The following INTS9 variants were observed in gnomAD, a reference collection of about 807,000 sequenced individuals.
INTS9 encodes the protein protein related to CPSF subunits of 74 kDa.
Under a neutral mutation model 79.7 loss-of-function variants are expected in INTS9, and 55 were observed. The ratio of observed to expected loss-of-function variants is 0.69; its 90% CI spans 0.56 to 0.86. The LOEUF (loss-of-function observed/expected upper bound fraction) is 0.86. INTS9 is among the 40% of genes least tolerant of loss of function. INTS9 has a pLI of 0.00. For synonymous variants in INTS9, 319 were observed against 325.2 expected (o/e 0.98, Z 0.20); for missense variants, 721 against 831.5 (o/e 0.87, Z 1.64).
rs1397518225 is a variant in INTS9 at position 28,813,475 on chromosome 8, G to C, written c.609+17C>G. On this transcript the variant is annotated intron_variant, in intron 7 of 16. Coordinates refer to ENST00000521022, the MANE Select transcript of INTS9 (RefSeq NM_018250.4). ...GAAAGCATTCATGAATAACTGAAATGTAATATGAATACTCACAATTTTCTG... is the reference window on the plus strand; with the variant it reads ...GAAAGCATTCATGAATAACTGAAATCTAATATGAATACTCACAATTTTCTG... 9 of 1,608,530 alleles carry C rather than the reference G, an allele frequency of 5.6e-6. No homozygotes were observed. Among genetic ancestry groups the C allele is most frequent in the Non-Finnish European group, 7.7e-6 (9 of 1,175,460 alleles).
intron 6 of INTS9, among the ~76,000 whole-genome samples, chr8:28,831,419 T>C (rs1459655935): frequency 1.3e-5 from 2 of 152,214 alleles, no homozygotes; most frequent in Non-Finnish European, 2.9e-5. Context: ...TGTTTACCTA[T>C]GTAACAAAAC....
chr8:28,800,585 G>C (rs1395891244), intron 8 of INTS9, among the ~76,000 whole-genome samples: 1 of 152,188 alleles, frequency 6.6e-6, no homozygotes, highest in African/African-American at 2.4e-5. Context: ...CATTTTTAAG[G>C]CCCATATAGC....
chr8:28,802,286 A>T (rs1193246015), intron 8 of INTS9, among the ~76,000 whole-genome samples: 1 of 152,174 alleles, frequency 6.6e-6, no homozygotes, highest in Non-Finnish European at 1.5e-5. Context: ...AATGTGCATA[A>T]ATGTTTTATT....
At chr8:28,834,328 A>G (rs543381859) in intron 6 of INTS9, among the ~76,000 whole-genome samples, 1 of 152,100 alleles carries the variant, frequency 6.6e-6, no homozygotes. Context: ...AAACGTAGTC[A>G]TTAGCCTCCT....
intron 4 of INTS9, among the ~76,000 whole-genome samples, chr8:28,838,164 T>C (rs1806924746): frequency 6.6e-6 from 1 of 151,700 alleles, no homozygotes; most frequent in African/African-American, 2.4e-5. Flanking sequence ...AACACCCCAT[T>C]GCTACAGATT....
At chr8:28,864,141 C>T (rs1287198061) in intron 1 of INTS9, among the ~76,000 whole-genome samples, 2 of 152,128 alleles carry the variant, frequency 1.3e-5, no homozygotes, top group African/African-American at 2.4e-5. Flanking sequence ...CCAAGAGTTC[C>T]AGGCGAGTCT....
chr8:28,796,829 G>A, intron 8 of INTS9, 174 bp from the exon 9 acceptor site: 1 of 550,816 alleles, frequency 1.8e-6, no homozygotes, highest in African/African-American at 1.9e-5. Context: ...AAGTTGGGTG[G>A]GGACTGATGG....
intron 1 of INTS9, among the ~76,000 whole-genome samples, chr8:28,875,033 T>A (rs1345206467): frequency 6.6e-6 from 1 of 152,152 alleles, no homozygotes; most frequent in Non-Finnish European, 1.5e-5. Flanking sequence ...AGACTCCCTT[T>A]TTTAAAACCA....
rs549039296 is a variant in INTS9 at position 28,887,481 on chromosome 8, T to TTG, written c.9+2391_9+2392dup. On this transcript the variant is annotated intron_variant, in intron 1 of 16. Coordinates refer to ENST00000521022, the MANE Select transcript of INTS9 (RefSeq NM_018250.4). ...AGAATCAATAAGAGGTGGTCATAGA[T>TTG]TGTGTGTGGGAAGGGTACTCTGGAA... is the stretch of plus-strand genomic sequence containing the variant. Among the ~76,000 whole-genome samples, 4 of 152,300 alleles carry TTG rather than the reference T, an allele frequency of 2.6e-5. No homozygotes were observed. The South Asian group carries it at 8.3e-4, about 32-fold the overall frequency.
intron 6 of INTS9, among the ~76,000 whole-genome samples, chr8:28,818,716 C>G (rs1206855500): frequency 6.6e-6 from 1 of 151,816 alleles, no homozygotes; most frequent in Non-Finnish European, 1.5e-5. Flanking sequence ...GGAATAGTTT[C>G]AGAAGGAATG....
chr8:28,795,658 A>T (rs2130964353), intron 9 of INTS9, among the ~76,000 whole-genome samples: 1 of 150,908 alleles, frequency 6.6e-6, no homozygotes, highest in Admixed American at 6.6e-5. Context: ...AAAAAAAAAA[A>T]AAAAAAAAAG....
At chr8:28,866,283 A>G (rs67946004) in intron 1 of INTS9, among the ~76,000 whole-genome samples, 26,394 of 152,042 alleles carry the variant, frequency 0.17, 2,897 homozygotes, top group African/African-American at 0.31. Context: ...TCCTTTAACA[A>G]TTTGCATGGT....
chr8:28,799,189 G>A (rs552402791), intron 8 of INTS9, among the ~76,000 whole-genome samples: 6 of 152,184 alleles, frequency 3.9e-5, no homozygotes, highest in East Asian at 3.9e-4. Context: ...CCACCTACTC[G>A]GGAGGCTGAA....
chr8:28,862,547 A>AT lies in INTS9; in HGVS notation c.10-2985dup, dbSNP rs773883547. Among the ~76,000 whole-genome samples the AT allele has an allele frequency of 3.3e-5, 5 of 152,156 alleles. 1 individual carries two copies. Among genetic ancestry groups the AT allele is most frequent in the African/African-American group, 4.8e-5 (2 of 41,424 alleles). The stretch of plus-strand genomic sequence containing the variant: ...CGTAAGTCTTTTTCCATACTGGACT[A>AT]TTTTTTTAAGATGATTCCCAGAAGT... On this transcript the variant is annotated intron_variant, in intron 1 of 16. Transcript: ENST00000521022.
chr8:28,787,608 A>G (rs1803685549), intron 11 of INTS9, among the ~76,000 whole-genome samples: 1 of 152,222 alleles, frequency 6.6e-6, no homozygotes, highest in Non-Finnish European at 1.5e-5. Context: ...GCGGTCCACA[A>G]CATTTTGGAG....
chr8:28,889,801 C>A, intron 1 of INTS9, 73 bp downstream of exon 1: 1 of 1,575,934 alleles, frequency 6.3e-7, no homozygotes, highest in Non-Finnish European at 8.7e-7. Flanking sequence ...ATTCCCTGCC[C>A]AACGTAGGAA....
chr8:28,809,401 T>G (rs761754356), intron 8 of INTS9, among the ~76,000 whole-genome samples: 2 of 152,296 alleles, frequency 1.3e-5, no homozygotes, highest in South Asian at 4.2e-4. Context: ...GTCTATCAAG[T>G]TTTTCAAACC....
At position 28,862,433 on chromosome 8, in the gene INTS9, T is replaced by C. The variant is rs532998613; in HGVS notation, c.10-2870A>G. 5.3e-5 allele frequency among the ~76,000 whole-genome samples: 8 copies of C among 152,356 alleles called. No individual in the cohort carries two copies. In the South Asian group the frequency reaches 1.7e-3, roughly 32 times the overall value. On this transcript the variant is annotated intron_variant, in intron 1 of 16. Transcript: ENST00000521022. ...CCTAAGTAAATATACCATGGTTTGT[T>C]TGGTCATTCATTCCCTTATTGTTGA...
intron 3 of INTS9, among the ~76,000 whole-genome samples, chr8:28,848,999 A>T (rs909577245): frequency 7.9e-5 from 12 of 152,202 alleles, no homozygotes; most frequent in African/African-American, 2.9e-4. Flanking sequence ...GTCAGCTCTG[A>T]AGAAAATCTG....
Sources: gnomAD v4.1 joint callset for allele counts (sites outside exome capture counted in the v4.1 genomes callset) on GRCh38, gnomAD v4.1.1 for gene constraint, MANE v1.5 for transcripts, NCBI Gene and HGNC (gene_info 2026-07-23, HGNC 2026-07-21) for gene names.